Variants in PRDM6 observed in about 807,000 individuals in gnomAD.
PRDM6 encodes PR/SET domain 6.
A neutral mutation model predicts 60.8 loss-of-function variants in PRDM6; 25 were observed. That is an observed-to-expected ratio of 0.41 (90% confidence interval 0.30 to 0.57). PRDM6 has a LOEUF of 0.57. Among genes scored for constraint, PRDM6 ranks in the 20% least tolerant of loss-of-function variants. The pLI is 0.27. For synonymous variants in PRDM6, 407 were observed against 357.4 expected (o/e 1.14, Z -1.57); for missense variants, 839 against 821.3 (o/e 1.02, Z -0.26).
At chr5:123,155,374 G>C (rs1212028751) in intron 3 of PRDM6, among the ~76,000 whole-genome samples, 1 of 147,072 alleles carries the variant, frequency 6.8e-6, no homozygotes, top group African/African-American at 2.5e-5. Flanking sequence ...ACCCAAATCA[G>C]AGTCTGTTTT....
chr5:123,142,877 C>CAAAAAAAAAAAAAAAAAAAAGAAAA, intron 3 of PRDM6, among the ~76,000 whole-genome samples: 1 of 27,368 alleles, frequency 3.7e-5, no homozygotes. Context: ...CAGTGAAGAC[C>CAAAAAAAAAAAAAAAAAAAAGAAAA]AAAAAAAAAA....
intron 3 of PRDM6, among the ~76,000 whole-genome samples, chr5:123,104,530 A>G (rs1764166374): frequency 6.6e-6 from 1 of 152,120 alleles, no homozygotes. Flanking sequence ...GGATAGAATT[A>G]TGTAGCTGTC....
Position 123,095,157 on chromosome 5 carries a change from G to T in PRDM6, c.593-4497G>T, listed in dbSNP as rs529891934. On this transcript the variant is annotated intron_variant, in intron 2 of 7. Transcript: ENST00000407847. Reference sequence around the variant, plus strand: ...TGGATCTGCTTCTAGACCCGCTCCCGGGGCTTGGAAGACCCCTGCCGGGTA... The same window carrying T: ...TGGATCTGCTTCTAGACCCGCTCCCTGGGCTTGGAAGACCCCTGCCGGGTA... Among the ~76,000 whole-genome samples the T allele has an allele frequency of 2.4e-4, 37 of 152,328 alleles. No homozygotes were observed. In the South Asian group the frequency reaches 7.7e-3, roughly 32 times the overall value.
intron 3 of PRDM6, among the ~76,000 whole-genome samples, chr5:123,100,451 T>C (rs1580477709): frequency 6.6e-6 from 1 of 152,170 alleles, no homozygotes; most frequent in African/African-American, 2.4e-5. Context: ...GGCTGGCCCC[T>C]TTTCTCAGAT....
intron 3 of PRDM6, among the ~76,000 whole-genome samples, chr5:123,119,429 C>T (rs769422325): frequency 5.3e-5 from 8 of 152,158 alleles, no homozygotes; most frequent in South Asian, 2.1e-4. Flanking sequence ...GGTGCTCAGG[C>T]GCCCACTGCA....
intron 3 of PRDM6, among the ~76,000 whole-genome samples, chr5:123,140,783 G>A (rs914846789): frequency 3.3e-5 from 5 of 152,104 alleles, no homozygotes. Flanking sequence ...TGGTGCATAG[G>A]ATTGTTTTAT....
chr5:123,089,968 C>G, intron 1 of PRDM6, 32 bp from the exon 2 acceptor site: 1 of 1,474,490 alleles, frequency 6.8e-7, no homozygotes, highest in South Asian at 1.2e-5. Flanking sequence ...GCCCAGCTCA[C>G]GCGCCCCCTC....
At chr5:123,152,381 C>T (rs184568982) in intron 3 of PRDM6, among the ~76,000 whole-genome samples, 12 of 152,106 alleles carry the variant, frequency 7.9e-5, no homozygotes, top group Non-Finnish European at 1.2e-4. Context: ...TGCCAGAGAT[C>T]GAGGACCCAT....
chr5:123,186,166 G>GGT (rs1163641867), intron 7 of PRDM6, among the ~76,000 whole-genome samples: 7 of 152,078 alleles, frequency 4.6e-5, no homozygotes, highest in Non-Finnish European at 1.0e-4. Context: ...TTCATCTGTG[G>GGT]GTGTGTGTAT....
At chr5:123,187,012 A>C in intron 7 of PRDM6, 75 bp from the exon 8 acceptor site, 1 of 1,073,538 alleles carries the variant, frequency 9.3e-7, no homozygotes, top group Non-Finnish European at 1.4e-6. Flanking sequence ...TGTTCTGATT[A>C]GGCAGGATGA....
intron 3 of PRDM6, 133 bp from the exon 4 acceptor site, chr5:123,155,751 A>G: frequency 1.1e-6 from 1 of 930,436 alleles, no homozygotes; most frequent in Non-Finnish European, 1.6e-6. Context: ...AGTTGTCCAC[A>G]AGCATCAATA....
intron 3 of PRDM6, among the ~76,000 whole-genome samples, chr5:123,107,311 C>T (rs565222910): frequency 4.6e-5 from 7 of 152,318 alleles, no homozygotes; most frequent in Non-Finnish European, 8.8e-5. Flanking sequence ...AATTATCCAA[C>T]AGATATATTG....
chr5:123,192,602 C>T lies in PRDM6; in HGVS notation c.*5401C>T, dbSNP rs1580552510. The T allele has an allele frequency of 6.6e-6, 1 of 151,886 alleles. No homozygotes were observed. The highest frequency in any genetic ancestry group is 2.4e-5 in the African/African-American group (1 of 41,334). 9.4% of individuals were successfully genotyped at this position (151,886 alleles called of 1,614,324 possible). On this transcript the variant is annotated 3_prime_UTR_variant, in exon 8 of 8. Transcript: ENST00000407847. ...TTTTTCTAAGCAGGAATCTAAAATTCCACATTGAAAGAAAAAAAAATAACC... is the reference window on the plus strand; with the variant it reads ...TTTTTCTAAGCAGGAATCTAAAATTTCACATTGAAAGAAAAAAAAATAACC...
intron 7 of PRDM6, 135 bp downstream of exon 7, chr5:123,180,458 G>C: frequency 1.1e-6 from 1 of 904,732 alleles, no homozygotes; most frequent in Non-Finnish European, 1.6e-6. Context: ...GGCTGCAAAC[G>C]AATCTCTCCT....
intron 3 of PRDM6, among the ~76,000 whole-genome samples, chr5:123,145,268 T>G (rs185865467): frequency 6.6e-6 from 1 of 152,334 alleles, no homozygotes. Context: ...TCTACAGATT[T>G]GGTACCAGAT....
intron 3 of PRDM6, among the ~76,000 whole-genome samples, chr5:123,115,090 G>A (rs538370417): frequency 2.6e-5 from 4 of 152,308 alleles, no homozygotes; most frequent in African/African-American, 9.6e-5. Flanking sequence ...GACATCTGTA[G>A]TTCTGTAAAC....
chr5:123,110,715 C>T (rs335191), intron 3 of PRDM6, among the ~76,000 whole-genome samples: 29,271 of 151,594 alleles, frequency 0.19, 2,970 homozygotes, highest in African/African-American at 0.21. Flanking sequence ...TACAGGCATG[C>T]GCTACTAGGC....
intron 6 of PRDM6, 22 bp downstream of exon 6, chr5:123,171,130 G>C: frequency 6.7e-7 from 1 of 1,503,748 alleles, no homozygotes; most frequent in Admixed American, 2.1e-5. Context: ...TCTCACTGCT[G>C]ACAGTGTGTT....
Position 123,156,021 on chromosome 5 carries a change from A to G in PRDM6, c.1028+10A>G, listed in dbSNP as rs1296813018. 1.9e-6 allele frequency: 3 copies of G among 1,547,724 alleles called. No homozygotes were observed. In the African/African-American group the frequency reaches 4.1e-5, roughly 21 times the overall value. ...CAGTAGTTCAGTACAGGTAAAGTAT[A>G]TCTTGATTTACCACCTACAGAGCTG... is the stretch of plus-strand genomic sequence containing the variant. On this transcript the variant is annotated intron_variant, in intron 4 of 7. Transcript: ENST00000407847.
Sources: allele counts gnomAD v4.1 joint callset (sites outside exome capture counted in the v4.1 genomes callset), GRCh38; gene constraint gnomAD v4.1.1; transcripts MANE v1.5; gene names NCBI Gene and HGNC (gene_info 2026-07-23, HGNC 2026-07-21).